SYTL2: variants seen among roughly 807,000 people sequenced by gnomAD.
The protein encoded by SYTL2 is synaptotagmin like 2, also known as synaptotagmin-like protein 2.
A neutral mutation model predicts 198.7 loss-of-function variants in SYTL2; 165 were observed. The ratio of observed to expected loss-of-function variants is 0.83; its 90% CI spans 0.73 to 0.94. The LOEUF is 0.94. Among genes scored for constraint, SYTL2 ranks in the 40% least tolerant of loss-of-function variants. The probability of loss-of-function intolerance (pLI) is 0.00; values close to 1 mark genes in which losing one functional copy is unlikely to be tolerated. For missense variants in SYTL2, 2,835 were observed against 2,582.8 expected (o/e 1.10, Z -2.12); for synonymous variants, 966 against 917.7 (o/e 1.05, Z -0.95).
intron 1 of SYTL2, among the ~76,000 whole-genome samples, chr11:85,779,038 AC>A (rs2153597247): frequency 6.6e-6 from 1 of 152,198 alleles, no homozygotes; most frequent in African/African-American, 2.4e-5. Flanking sequence ...TCTGTAGTGT[AC>A]TATACTATAT....
At chr11:85,834,767 T>C in the SYTL2 span, among the ~76,000 whole-genome samples, 3 of 151,868 alleles carry the variant, frequency 2.0e-5, no homozygotes, top group Admixed American at 6.6e-5. Flanking sequence ...TTTCTTTTTT[T>C]TTTTTCTTTT....
At chr11:85,850,085 G>A in the SYTL2 span, among the ~76,000 whole-genome samples, 1 of 146,404 alleles carries the variant, frequency 6.8e-6, no homozygotes, top group Non-Finnish European at 1.5e-5. Context: ...TTGGCTCTCT[G>A]TTTGTCTGTT....
In SYTL2 at chr11:85,724,279, C is replaced by T. The variant is rs2088801139; in HGVS notation, c.5079G>A (p.Gly1693=). 1.3e-6 allele frequency: 2 copies of T among 1,562,252 alleles called. No individual in the cohort carries two copies. The highest frequency in any genetic ancestry group is 1.7e-6 in the Non-Finnish European group (2 of 1,160,024). The change falls in exon 8 of 20, where the codon GGG becomes GGA. Residue 1693 remains glycine, a synonymous_variant. Coordinates refer to ENST00000359152, the MANE Select transcript of SYTL2 (RefSeq NM_206927.4). ...CAGGTTCCTGAAGAGTCCCTTGTCC[C>T]CCTGCAACCCCACTTTCACTGTCCC... is the stretch of plus-strand genomic sequence containing the variant. ...EDRDSESGVA[G]GQGTLQEPGF...
chr11:85,825,952 T>C, the SYTL2 span, among the ~76,000 whole-genome samples: 15,086 of 152,250 alleles, frequency 0.099, 910 homozygotes, highest in African/African-American at 0.14. Context: ...CTTAGCAGCA[T>C]AGCAACTGCC....
chr11:85,835,228 C>T, the SYTL2 span, among the ~76,000 whole-genome samples: 2 of 152,088 alleles, frequency 1.3e-5, no homozygotes, highest in African/African-American at 4.8e-5. Flanking sequence ...GAAATTCCAG[C>T]ACTGCTTATT....
chr11:85,707,392 C>T, intron 15 of SYTL2, 37 bp downstream of exon 15: 1 of 1,412,806 alleles, frequency 7.1e-7, no homozygotes, highest in East Asian at 2.3e-5. Context: ...AACAGGTCAC[C>T]ATCTAGGATT....
chr11:85,830,860 A>G, the SYTL2 span, among the ~76,000 whole-genome samples: 7 of 151,996 alleles, frequency 4.6e-5, no homozygotes, highest in African/African-American at 1.7e-4. Context: ...TTCCTGATTT[A>G]TGCTTCCTAG....
At chr11:85,815,524 T>C (rs571805736), upstream of SYTL2, among the ~76,000 whole-genome samples, 6 of 152,378 alleles carry the variant, frequency 3.9e-5, no homozygotes, top group South Asian at 1.2e-3. Context: ...CCACAGTCTT[T>C]AATAATGCCT....
At chr11:85,785,691 G>C (rs982688341) in intron 1 of SYTL2, among the ~76,000 whole-genome samples, 1 of 152,272 alleles carries the variant, frequency 6.6e-6, no homozygotes, top group Non-Finnish European at 1.5e-5. Flanking sequence ...GAGCTTAAAT[G>C]AGGCTCATGG....
chr11:85,735,104 T>C (rs1338547126), intron 6 of SYTL2, among the ~76,000 whole-genome samples: 2 of 152,210 alleles, frequency 1.3e-5, no homozygotes, highest in Non-Finnish European at 2.9e-5. Context: ...ACCATTCTCA[T>C]GAGGAATGTT....
chr11:85,806,810 A>G (rs2092964601), intron 1 of SYTL2, among the ~76,000 whole-genome samples: 1 of 152,264 alleles, frequency 6.6e-6, no homozygotes, highest in Non-Finnish European at 1.5e-5. Flanking sequence ...TTTTAAGACA[A>G]GAAGGACCCT....
intron 18 of SYTL2, 148 bp from the exon 19 acceptor site, chr11:85,696,536 G>T (rs2083437463): frequency 1.5e-6 from 1 of 674,470 alleles, no homozygotes; most frequent in South Asian, 1.8e-5. Flanking sequence ...AGACAGTGGG[G>T]TAGGGGGTAG....
intron 7 of SYTL2, among the ~76,000 whole-genome samples, chr11:85,729,283 A>G (rs1267238850): frequency 6.6e-6 from 1 of 152,242 alleles, no homozygotes; most frequent in African/African-American, 2.4e-5. Flanking sequence ...TCAACAGAAT[A>G]CACGTTCTTC....
intron 12 of SYTL2, among the ~76,000 whole-genome samples, chr11:85,712,412 G>A (rs1030589250): frequency 1.3e-5 from 2 of 152,112 alleles, no homozygotes; most frequent in Non-Finnish European, 2.9e-5. Flanking sequence ...TTGTTGATCT[G>A]GAATGGTGTT....
rs181254352 is a variant in SYTL2, at chr11:85,709,828, G to A, written c.5746-328C>T. Among the ~76,000 whole-genome samples, 44 of 152,072 alleles carry A rather than the reference G, an allele frequency of 2.9e-4. 1 individual carries two copies. In the East Asian group the frequency reaches 2.9e-3, roughly 10 times the overall value. ...TTCCCAAGCAGCTGGGATTACAGGC[G>A]CACGCCACCATGCCCAGCTAATTTT... On this transcript the variant is annotated intron_variant, in intron 13 of 19. Transcript: ENST00000359152.
At chr11:85,767,606 T>C (rs1169268968) in intron 1 of SYTL2, among the ~76,000 whole-genome samples, 6 of 152,086 alleles carry the variant, frequency 3.9e-5, no homozygotes, top group African/African-American at 1.4e-4. Context: ...TACAATCACA[T>C]ACACTCCTAA....
chr11:85,800,824 T>C (rs1361797428), intron 1 of SYTL2, among the ~76,000 whole-genome samples: 2 of 152,210 alleles, frequency 1.3e-5, no homozygotes, highest in East Asian at 3.8e-4. Context: ...CTCCACACCC[T>C]TGGCTCCTGG....
intron 1 of SYTL2, among the ~76,000 whole-genome samples, chr11:85,794,264 A>G (rs2092771794): frequency 6.6e-6 from 1 of 152,094 alleles, no homozygotes; most frequent in African/African-American, 2.4e-5. Context: ...CTGTAACTTC[A>G]AACTCCTGGG....
At position 85,733,755 on chromosome 11, in the gene SYTL2, G is replaced by A. The variant is rs7941463; in HGVS notation, c.1390+184C>T. 6.7e-3 allele frequency: 3,432 copies of A among 510,166 alleles called. 114 individuals carry two copies. The highest frequency in any genetic ancestry group is 0.059 in the African/African-American group (3,028 of 51,420). 31.6% of individuals were successfully genotyped at this position (510,166 alleles called of 1,614,324 possible). On this transcript the variant is annotated intron_variant, in intron 7 of 19. Coordinates refer to ENST00000359152, the MANE Select transcript of SYTL2 (RefSeq NM_206927.4). ...GCTGGGACTACAGGCGCCCGCCACCGCGCCCGGCTAATTTTTTGTATTTTT... is the reference window on the plus strand; with the variant it reads ...GCTGGGACTACAGGCGCCCGCCACCACGCCCGGCTAATTTTTTGTATTTTT...
Sources: allele counts gnomAD v4.1 joint callset (sites outside exome capture counted in the v4.1 genomes callset), GRCh38; gene constraint gnomAD v4.1.1; transcripts MANE v1.5; gene names NCBI Gene and HGNC (gene_info 2026-07-23, HGNC 2026-07-21).